The following FRAS1 variants were observed in gnomAD, a reference collection of about 807,000 sequenced individuals.
The protein encoded by FRAS1 is Fraser extracellular matrix complex subunit 1, also known as extracellular matrix organizing protein FRAS1.
A neutral mutation model predicts 435.2 loss-of-function variants in FRAS1; 290 were observed. The observed-to-expected ratio is 0.67, with a 90% CI of 0.61 to 0.73. The LOEUF (loss-of-function observed/expected upper bound fraction) is 0.73. Ranked by LOEUF, FRAS1 falls within the 30% of genes least tolerant of loss-of-function variation. The pLI, the probability that FRAS1 is intolerant of heterozygous loss-of-function variation, is 0.00. For missense variants in FRAS1, 4,860 were observed against 5,001.5 expected (o/e 0.97, Z 0.85); for synonymous variants, 1,800 against 1,851.0 (o/e 0.97, Z 0.71).
At chr4:78,492,818 GA>G (rs1560411283) in intron 59 of FRAS1, among the ~76,000 whole-genome samples, 1 of 151,684 alleles carries the variant, frequency 6.6e-6, no homozygotes, top group East Asian at 1.9e-4. Context: ...GGATCTAATT[GA>G]ACTAAAGAGC....
chr4:78,374,229 T>A lies in FRAS1; in HGVS notation c.3129T>A (p.Asp1043Glu). ...VQECGKGYFADHAKHKCTACP... is the reference protein window; with the variant it reads ...VQECGKGYFAEHAKHKCTACP... The stretch of plus-strand genomic sequence containing the variant: ...AATGTGGGAAGGGGTACTTTGCAGA[T>A]CATGCAAAGCACAAATGCACAGGTA... Residue 1043 changes from aspartate (D) to glutamate (E), a missense_variant, in exon 25 of 74, where the codon GAT becomes GAA. By Grantham distance (45) the Asp-to-Glu change is conservative. Coordinates refer to ENST00000512123, the MANE Select transcript of FRAS1 (RefSeq NM_025074.7). 6.2e-7 allele frequency: 1 copy of A among 1,600,258 alleles called. No individual in the cohort carries two copies. The highest frequency in any genetic ancestry group is 8.5e-7 in the Non-Finnish European group (1 of 1,170,406).
chr4:78,458,039 CAGTT>C (rs1471275521), intron 47 of FRAS1, among the ~76,000 whole-genome samples: 4 of 152,272 alleles, frequency 2.6e-5, no homozygotes, highest in African/African-American at 7.2e-5. Context: ...AGGGAATACA[CAGTT>C]AGAGAGAGAG....
At chr4:78,407,403 T>C (rs916583874) in intron 30 of FRAS1, among the ~76,000 whole-genome samples, 4 of 152,254 alleles carry the variant, frequency 2.6e-5, no homozygotes, top group Non-Finnish European at 4.4e-5. Context: ...TAATAGATAA[T>C]AAGTCAGTAA....
intron 2 of FRAS1, among the ~76,000 whole-genome samples, chr4:78,129,623 G>A (rs1719581506): frequency 6.6e-6 from 1 of 152,142 alleles, no homozygotes; most frequent in Admixed American, 6.5e-5. Context: ...GGGTAGCTGA[G>A]GGCCAGCTTG....
intron 2 of FRAS1, among the ~76,000 whole-genome samples, chr4:78,083,505 A>G (rs936820151): frequency 6.6e-6 from 1 of 152,042 alleles, no homozygotes; most frequent in East Asian, 1.9e-4. Flanking sequence ...AGATTCTTCA[A>G]TGTTGCTGTT....
At chr4:78,424,280 T>C in intron 34 of FRAS1, 108 bp from the exon 35 acceptor site, 1 of 532,366 alleles carries the variant, frequency 1.9e-6, no homozygotes, top group Non-Finnish European at 3.3e-6. Context: ...ATAATTTAGA[T>C]TAAAACATTC....
At chr4:78,159,140 C>T (rs750246443) in intron 2 of FRAS1, among the ~76,000 whole-genome samples, 3 of 152,170 alleles carry the variant, frequency 2.0e-5, no homozygotes, top group Non-Finnish European at 4.4e-5. Flanking sequence ...TCTGGGCCCT[C>T]CACCCTCTGA....
chr4:78,456,138 C>CTTTTTTTTTTCTT (rs1553962164), intron 47 of FRAS1, among the ~76,000 whole-genome samples: 3 of 51,484 alleles, frequency 5.8e-5, no homozygotes, highest in Non-Finnish European at 8.2e-5. Context: ...ACACATGTCA[C>CTTTTTTTTTTCTT]TTTTTTTTTT....
chr4:78,393,993 G>A (rs1286098033), intron 29 of FRAS1, among the ~76,000 whole-genome samples: 3 of 151,768 alleles, frequency 2.0e-5, no homozygotes, highest in Non-Finnish European at 4.4e-5. Flanking sequence ...TCATATACCT[G>A]TTAGGCATTT....
intron 14 of FRAS1, among the ~76,000 whole-genome samples, 164 bp from the exon 15 acceptor site, chr4:78,307,902 A>G (rs1728852957): frequency 6.6e-6 from 1 of 152,176 alleles, no homozygotes; most frequent in Admixed American, 6.5e-5. Context: ...TTTCTTGAAG[A>G]AGAGGGTGTT....
At chr4:78,059,605 A>G (rs1222313949) in intron 1 of FRAS1, among the ~76,000 whole-genome samples, 1 of 151,938 alleles carries the variant, frequency 6.6e-6, no homozygotes, top group African/African-American at 2.4e-5. Flanking sequence ...TACTTAGAAA[A>G]ATTAATTTCA....
intron 20 of FRAS1, among the ~76,000 whole-genome samples, chr4:78,357,977 C>G (rs73827988): frequency 0.026 from 3,897 of 152,102 alleles, 178 homozygotes; most frequent in African/African-American, 0.089. Context: ...CTTTGTAGGT[C>G]TGATTTTGAT....
At chr4:78,501,128 T>C (rs2867451) in intron 61 of FRAS1, among the ~76,000 whole-genome samples, 49,974 of 151,918 alleles carry the variant, frequency 0.33, 8,950 homozygotes, top group South Asian at 0.52. Flanking sequence ...CCCTTCATCC[T>C]CCAACAGGCC....
intron 26 of FRAS1, 83 bp downstream of exon 26, chr4:78,375,962 TA>T: frequency 6.7e-7 from 1 of 1,484,114 alleles, no homozygotes; most frequent in Non-Finnish European, 9.3e-7. Flanking sequence ...ATAATTGACT[TA>T]TGTGATATAA....
rs1313551784 is a variant in FRAS1, at chr4:78,089,383, A to G, written c.108+23367A>G. 3.3e-5 allele frequency among the ~76,000 whole-genome samples: 5 copies of G among 152,120 alleles called. No individual in the cohort carries two copies. The East Asian group carries it at 9.7e-4, about 29-fold the overall frequency. On this transcript the variant is annotated intron_variant, in intron 2 of 73. Coordinates refer to ENST00000512123, the MANE Select transcript of FRAS1 (RefSeq NM_025074.7). Reference sequence around the variant, plus strand: ...AACATAGCACGTGTATACATATGTAACAAACCTGCACATTGTGCACATGTA... The same window carrying G: ...AACATAGCACGTGTATACATATGTAGCAAACCTGCACATTGTGCACATGTA...
rs34405763 is a variant in FRAS1, at chr4:78,280,580, C to CTTT, written c.1072-804_1072-802dup. Among the ~76,000 whole-genome samples, 850 of 141,858 alleles carry CTTT rather than the reference C, an allele frequency of 6.0e-3. 8 individuals carry two copies. Among genetic ancestry groups the CTTT allele is most frequent in the Non-Finnish European group, 8.2e-3 (534 of 64,896 alleles). The allele number at this position is 141,858 out of a possible 152,430, so 93.1% of individuals were successfully genotyped here. ...TGACTGGTAAACTGATTCCTCCATA[C>CTTT]TTTTTTTTTTTTTTTTGATTTGGGT... On this transcript the variant is annotated intron_variant, in intron 10 of 73. Coordinates refer to ENST00000512123, the MANE Select transcript of FRAS1 (RefSeq NM_025074.7).
chr4:78,474,638 C>T (rs1719806248), intron 53 of FRAS1, among the ~76,000 whole-genome samples: 1 of 152,258 alleles, frequency 6.6e-6, no homozygotes, highest in Middle Eastern at 3.4e-3. Flanking sequence ...ATTTAATGGA[C>T]TAAGTGGTAT....
At position 78,481,786 on chromosome 4, in the gene FRAS1, C is replaced by T; in HGVS notation, c.8444-18C>T. The T allele has an allele frequency of 6.2e-7, 1 of 1,613,382 alleles. No individual in the cohort carries two copies. The highest frequency in any genetic ancestry group is 8.5e-7 in the Non-Finnish European group (1 of 1,179,394). On this transcript the variant is annotated intron_variant, in intron 56 of 73. Coordinates refer to ENST00000512123, the MANE Select transcript of FRAS1 (RefSeq NM_025074.7). ...GGCTCAAAGTTGACCATTAAAATCT[C>T]TATGAATCTTAATTCAGGCACAGTA...
intron 2 of FRAS1, among the ~76,000 whole-genome samples, chr4:78,224,411 C>T (rs950517497): frequency 6.6e-6 from 1 of 152,130 alleles, no homozygotes; most frequent in East Asian, 1.9e-4. Context: ...TATAAATATA[C>T]ATACGTATGT....
Sources: allele counts gnomAD v4.1 joint callset (sites outside exome capture counted in the v4.1 genomes callset), GRCh38; gene constraint gnomAD v4.1.1; transcripts MANE v1.5; gene names NCBI Gene and HGNC (gene_info 2026-07-23, HGNC 2026-07-21).